The following DNAH9 variants were observed in gnomAD, a reference collection of about 807,000 sequenced individuals.
DNAH9 encodes DNAH9 variant protein.
In DNAH9, 345 loss-of-function variants were observed where a neutral mutation model predicts 471.6. The ratio of observed to expected loss-of-function variants is 0.73; its 90% CI spans 0.67 to 0.80. The LOEUF (loss-of-function observed/expected upper bound fraction) is 0.80. DNAH9 is among the 30% of genes least tolerant of loss of function. The pLI, the probability that DNAH9 is intolerant of heterozygous loss-of-function variation, is 0.00. For synonymous variants in DNAH9, 2,093 were observed against 2,123.6 expected (o/e 0.99, Z 0.40); for missense variants, 5,407 against 5,609.2 (o/e 0.96, Z 1.15).
chr17:11,918,391 C>G (rs888166233), intron 61 of DNAH9, among the ~76,000 whole-genome samples: 2 of 151,936 alleles, frequency 1.3e-5, no homozygotes, highest in Non-Finnish European at 2.9e-5. Context: ...CCACTATGCC[C>G]GGCTAATTTT....
At chr17:11,742,772 C>A (rs1006123702) in intron 30 of DNAH9, among the ~76,000 whole-genome samples, 6 of 152,214 alleles carry the variant, frequency 3.9e-5, no homozygotes, top group Non-Finnish European at 7.3e-5. Context: ...CAAAACATTA[C>A]CTGCAAGGTT....
chr17:11,784,566 T>C, intron 41 of DNAH9, 27 bp downstream of exon 41: 1 of 1,613,788 alleles, frequency 6.2e-7, no homozygotes, highest in Non-Finnish European at 8.5e-7. Context: ...CGAGACACCC[T>C]AGGGGCTTAG....
intron 50 of DNAH9, among the ~76,000 whole-genome samples, chr17:11,868,444 C>T (rs1972141008): frequency 6.6e-6 from 1 of 152,138 alleles, no homozygotes; most frequent in South Asian, 2.1e-4. Context: ...AAGCTACGTA[C>T]TTCAATTTTA....
chr17:11,762,770 G>GTTTGTTTTTTTTTTTTTTTTTTT (rs1193246497), intron 35 of DNAH9, among the ~76,000 whole-genome samples: 1 of 90,742 alleles, frequency 1.1e-5, no homozygotes, highest in Non-Finnish European at 2.2e-5. Context: ...TTTTTTTTTT[G>GTTTGTTTTTTTTTTTTTTTTTTT]TTTTTTTTTT....
intron 61 of DNAH9, among the ~76,000 whole-genome samples, chr17:11,917,959 G>C (rs1427418144): frequency 6.6e-6 from 1 of 152,024 alleles, no homozygotes; most frequent in Non-Finnish European, 1.5e-5. Context: ...CAATTACCTG[G>C]CTTTAACAAA....
At chr17:11,968,147 C>A (rs1976896019) in intron 68 of DNAH9, among the ~76,000 whole-genome samples, 1 of 152,068 alleles carries the variant, frequency 6.6e-6, no homozygotes, top group Admixed American at 6.6e-5. Flanking sequence ...TGTCAACACA[C>A]CAAAAACCAC....
At chr17:11,741,953 C>T (rs2075439026) in intron 29 of DNAH9, among the ~76,000 whole-genome samples, 1 of 152,176 alleles carries the variant, frequency 6.6e-6, no homozygotes, top group Admixed American at 6.6e-5. Flanking sequence ...TTCCTTTATC[C>T]TTAGCTAACT....
intron 17 of DNAH9, among the ~76,000 whole-genome samples, chr17:11,673,824 GC>G (rs1455562667): frequency 6.6e-6 from 1 of 151,672 alleles, no homozygotes; most frequent in African/African-American, 2.4e-5. Flanking sequence ...TCCTTCCCAG[GC>G]TTTTCTTCAT....
rs770106043 is a variant in DNAH9 at position 11,902,704 on chromosome 17, T to C, written c.11407-15T>C. 1 of 1,604,424 alleles carries C rather than the reference T, an allele frequency of 6.2e-7. No homozygotes were observed. Among genetic ancestry groups the C allele is most frequent in the Non-Finnish European group, 8.5e-7 (1 of 1,175,042 alleles). ...TCTGGAGAAACTGCATTTCAGATTCTCTGAAATTTCCCAGGTACTTTCATC... is the reference window on the plus strand; with the variant it reads ...TCTGGAGAAACTGCATTTCAGATTCCCTGAAATTTCCCAGGTACTTTCATC... On this transcript the variant is annotated splice_polypyrimidine_tract_variant and intron_variant, in intron 59 of 68. Coordinates refer to ENST00000262442, the MANE Select transcript of DNAH9 (RefSeq NM_001372.4).
chr17:11,891,299 A>G (rs1223668571), intron 57 of DNAH9, among the ~76,000 whole-genome samples: 1 of 152,234 alleles, frequency 6.6e-6, no homozygotes, highest in African/African-American at 2.4e-5. Flanking sequence ...AAAAGATAAT[A>G]GCATGTTTTC....
rs369930361 is a variant in DNAH9, at chr17:11,756,677, G to A, written c.6847+1G>A. On this transcript the variant is annotated splice_donor_variant, in intron 34 of 68. Coordinates refer to ENST00000262442, the MANE Select transcript of DNAH9 (RefSeq NM_001372.4). LOFTEE classifies it high-confidence loss of function. ...ACTCCAGCAACTGTCTCTAGAGCAG[G>A]TACGGCCCAAGAAGGGAAGAACCAC... 2.3e-5 allele frequency: 37 copies of A among 1,592,156 alleles called. No homozygotes were observed. The highest frequency in any genetic ancestry group is 3.2e-5 in the Non-Finnish European group (37 of 1,160,088).
intron 67 of DNAH9, 30 bp from the exon 68 acceptor site, chr17:11,961,837 C>T (rs373326748): frequency 9.6e-6 from 15 of 1,566,692 alleles, no homozygotes; most frequent in Admixed American, 7.3e-5. Flanking sequence ...CACCTTCTCA[C>T]GCTTTCCCCC....
chr17:11,632,687 T>A lies in DNAH9; in HGVS notation c.1619T>A (p.Leu540Ter). ...FIQAFDDAPG[L>*]EHAFKLLDIA... ...CAAGCTTTTGATGATGCACCTGGCT[T>A]GGAGCATGCCTTTAAGGTTTGTGTA... The change falls in exon 8 of 69, where the codon TTG becomes TAG. Residue 540 changes from leucine to a stop codon, truncating the protein, a stop_gained. Transcript: ENST00000262442. LOFTEE classifies it high-confidence loss of function. 6.3e-7 allele frequency: 1 copy of A among 1,586,800 alleles called. No individual in the cohort carries two copies. Among genetic ancestry groups the A allele is most frequent in the Non-Finnish European group, 8.7e-7 (1 of 1,155,054 alleles).
chr17:11,810,646 A>G (rs901188844), intron 45 of DNAH9, among the ~76,000 whole-genome samples: 2 of 152,140 alleles, frequency 1.3e-5, no homozygotes, highest in African/African-American at 2.4e-5. Context: ...GAGGGTTAAG[A>G]GCTTGGTGAT....
chr17:11,618,173 A>C (rs1471466170), intron 5 of DNAH9, among the ~76,000 whole-genome samples: 6 of 152,166 alleles, frequency 3.9e-5, no homozygotes, highest in Non-Finnish European at 8.8e-5. Flanking sequence ...CATGGTAAGA[A>C]CCTGGTACCC....
At chr17:11,658,153 C>G (rs925906981) in intron 14 of DNAH9, among the ~76,000 whole-genome samples, 1 of 152,058 alleles carries the variant, frequency 6.6e-6, no homozygotes, top group Non-Finnish European at 1.5e-5. Flanking sequence ...AGTTTATGAA[C>G]CCGGCATATC....
intron 59 of DNAH9, among the ~76,000 whole-genome samples, chr17:11,895,840 G>A (rs950937736): frequency 3.3e-5 from 5 of 152,260 alleles, no homozygotes; most frequent in South Asian, 2.1e-4. Context: ...CTCGATATCC[G>A]TCCAAGTAGT....
chr17:11,738,924 C>T lies in DNAH9; in HGVS notation c.5859C>T (p.Phe1953=), dbSNP rs767462083. Residue 1953 remains phenylalanine (F), a synonymous_variant, in exon 29 of 69, where the codon TTC becomes TTT. Coordinates refer to ENST00000262442, the MANE Select transcript of DNAH9 (RefSeq NM_001372.4). ...CGATTAGAGATAAGAAGCAGTGGTT[C>T]AGCTTCCTTGGGGAGGAGATCAGCC... ...QDAIRDKKQW[F]SFLGEEISLN... 1.2e-6 allele frequency: 2 copies of T among 1,613,996 alleles called. No individual in the cohort carries two copies. Among genetic ancestry groups the T allele is most frequent in the East Asian group, 4.5e-5 (2 of 44,888 alleles).
chr17:11,854,493 AC>A, intron 50 of DNAH9, 65 bp downstream of exon 50: 2 of 1,475,652 alleles, frequency 1.4e-6, no homozygotes, highest in Non-Finnish European at 1.8e-6. Flanking sequence ...CTCTTCAGAC[AC>A]CATCTAACAC....
Sources: allele counts gnomAD v4.1 joint callset (sites outside exome capture counted in the v4.1 genomes callset), GRCh38; gene constraint gnomAD v4.1.1; transcripts MANE v1.5; gene names NCBI Gene and HGNC (gene_info 2026-07-23, HGNC 2026-07-21).